The following FOXK2 variants were observed in gnomAD, a reference collection of about 807,000 sequenced individuals.
The protein encoded by FOXK2 is forkhead box protein K2.
Under a neutral mutation model 53.3 loss-of-function variants are expected in FOXK2, and 24 were observed. The observed-to-expected ratio is 0.45, with a 90% CI of 0.33 to 0.63. The LOEUF (loss-of-function observed/expected upper bound fraction) is 0.63, where lower values mean the gene tolerates loss of function less well. Among genes scored for constraint, FOXK2 ranks in the 30% least tolerant of loss-of-function variants. The pLI, the probability that FOXK2 is intolerant of heterozygous loss-of-function variation, is 0.03. For synonymous variants in FOXK2, 505 were observed against 407.1 expected (o/e 1.24, Z -2.89); for missense variants, 952 against 910.5 (o/e 1.05, Z -0.59).
At chr17:82,571,196 G>A (rs933982992) in intron 3 of FOXK2, among the ~76,000 whole-genome samples, 6 of 152,144 alleles carry the variant, frequency 3.9e-5, no homozygotes, top group Admixed American at 1.3e-4. Flanking sequence ...CAGCCTTTAT[G>A]TCTTCATTTT....
At chr17:82,537,869 C>G in intron 1 of FOXK2, among the ~76,000 whole-genome samples, 1 of 148,234 alleles carries the variant, frequency 6.7e-6, no homozygotes, top group East Asian at 2.0e-4. Flanking sequence ...TTATAGTGAG[C>G]TGAGATTGCA....
chr17:82,533,481 C>G lies in FOXK2; in HGVS notation c.419+13174C>G, dbSNP rs534316467. 1.4e-3 allele frequency among the ~76,000 whole-genome samples: 205 copies of G among 144,972 alleles called. 1 individual carries two copies. Among genetic ancestry groups the G allele is most frequent in the African/African-American group, 5.2e-3 (201 of 38,974 alleles). On this transcript the variant is annotated intron_variant, in intron 1 of 8. Transcript: ENST00000335255. ...CTCCAGCCTGGGTGATGGAGTGAGA[C>G]TTTGTCTCAAAAAAAAAAAGTATAG... is the stretch of plus-strand genomic sequence containing the variant.
chr17:82,586,717 C>G (rs945949236), intron 7 of FOXK2, among the ~76,000 whole-genome samples: 20 of 152,070 alleles, frequency 1.3e-4, no homozygotes, highest in Admixed American at 4.6e-4. Flanking sequence ...GCCTGACCAA[C>G]ACGGAGAAAC....
intron 1 of FOXK2, among the ~76,000 whole-genome samples, chr17:82,550,909 A>C (rs1396964759): frequency 6.6e-6 from 1 of 152,200 alleles, no homozygotes; most frequent in African/African-American, 2.4e-5. Context: ...AGTCACTGTG[A>C]AGCACTGCGT....
intron 1 of FOXK2, among the ~76,000 whole-genome samples, chr17:82,562,890 C>T (rs978251779): frequency 4.6e-5 from 7 of 151,714 alleles, no homozygotes; most frequent in African/African-American, 9.7e-5. Context: ...ACTGCAGCCT[C>T]GACCTTCTGG....
rs1164069640 is a variant in FOXK2 at position 82,558,319 on chromosome 17, C to T, written c.420-5035C>T. 2.0e-5 allele frequency among the ~76,000 whole-genome samples: 3 copies of T among 152,180 alleles called. No individual in the cohort carries two copies. In the South Asian group the frequency reaches 6.2e-4, roughly 32 times the overall value. ...CGTTGCTGCACTCCAACCTGGGCTA[C>T]GGAGCGAGACCCTGCCTGAAAACGA... On this transcript the variant is annotated intron_variant, in intron 1 of 8. Coordinates refer to ENST00000335255, the MANE Select transcript of FOXK2 (RefSeq NM_004514.4).
intron 1 of FOXK2, among the ~76,000 whole-genome samples, chr17:82,525,108 T>C (rs929051505): frequency 6.6e-6 from 1 of 151,792 alleles, no homozygotes; most frequent in Non-Finnish European, 1.5e-5. Flanking sequence ...CCCGAGTAGC[T>C]GGGATTACAG....
At chr17:82,597,488 G>A (rs962051770) in intron 8 of FOXK2, among the ~76,000 whole-genome samples, 6 of 152,094 alleles carry the variant, frequency 3.9e-5, no homozygotes, top group African/African-American at 7.2e-5. Context: ...ACCTCCCTCC[G>A]AGCCTCTGCT....
chr17:82,577,573 C>T (rs554599014), intron 4 of FOXK2, among the ~76,000 whole-genome samples: 4 of 152,028 alleles, frequency 2.6e-5, no homozygotes, highest in African/African-American at 7.2e-5. Context: ...CTGTGCATAC[C>T]GCCGACACTG....
chr17:82,564,734 G>GTTTTTTTTTTTTTTTTTTTTT (rs11452758), intron 2 of FOXK2, among the ~76,000 whole-genome samples: 1 of 138,048 alleles, frequency 7.2e-6, no homozygotes, highest in African/African-American at 2.7e-5. Flanking sequence ...TAGTCAAATG[G>GTTTTTTTTTTTTTTTTTTTTT]TTTTTTTTTT....
intron 1 of FOXK2, among the ~76,000 whole-genome samples, chr17:82,521,669 CG>C (rs2086674344): frequency 6.7e-6 from 1 of 150,190 alleles, no homozygotes; most frequent in Non-Finnish European, 1.5e-5. Flanking sequence ...CGGTGGCTCA[CG>C]CCTGTAATCC....
At chr17:82,592,484 G>A (rs1043563849) in intron 8 of FOXK2, among the ~76,000 whole-genome samples, 1 of 152,310 alleles carries the variant, frequency 6.6e-6, no homozygotes, top group East Asian at 1.9e-4. Context: ...GGCCCTTCAC[G>A]GGGCCACTCC....
Position 82,555,885 on chromosome 17 carries a change from C to CAA in FOXK2, c.420-7439_420-7438dup, listed in dbSNP as rs71168116. ...CCTGGGCGAAAGCAAGACTCTATCA[C>CAA]AAAAAAAAAAAAAAAAAAAAAAAAA... On this transcript the variant is annotated intron_variant, in intron 1 of 8. Coordinates refer to ENST00000335255, the MANE Select transcript of FOXK2 (RefSeq NM_004514.4). Among the ~76,000 whole-genome samples, 540 of 74,148 alleles carry CAA rather than the reference C, an allele frequency of 7.3e-3. 30 individuals carry two copies. The highest frequency in any genetic ancestry group is 9.7e-3 in the Non-Finnish European group (385 of 39,678). The allele number at this position is 74,148 out of a possible 152,430, so 48.6% of individuals were successfully genotyped here.
chr17:82,529,920 T>C (rs887775123), intron 1 of FOXK2, among the ~76,000 whole-genome samples: 2 of 152,222 alleles, frequency 1.3e-5, no homozygotes, highest in African/African-American at 4.8e-5. Flanking sequence ...GATACAGATA[T>C]TCTGAGAACT....
intron 1 of FOXK2, among the ~76,000 whole-genome samples, chr17:82,548,316 G>C (rs2044646152): frequency 6.6e-6 from 1 of 152,062 alleles, no homozygotes; most frequent in Non-Finnish European, 1.5e-5. Flanking sequence ...TCTTATATTA[G>C]CCATTATCTG....
chr17:82,550,726 C>T (rs996408293), intron 1 of FOXK2, among the ~76,000 whole-genome samples: 2 of 151,872 alleles, frequency 1.3e-5, no homozygotes, highest in African/African-American at 2.4e-5. Context: ...AGGATGGTCT[C>T]GATCTTCTGA....
intron 1 of FOXK2, among the ~76,000 whole-genome samples, chr17:82,556,314 G>A (rs916316151): frequency 6.6e-6 from 1 of 152,004 alleles, no homozygotes; most frequent in Non-Finnish European, 1.5e-5. Flanking sequence ...CATGGTGGCG[G>A]GCGCCTGTAA....
At chr17:82,575,631 G>A (rs1261298540) in intron 4 of FOXK2, among the ~76,000 whole-genome samples, 1 of 152,240 alleles carries the variant, frequency 6.6e-6, no homozygotes, top group Non-Finnish European at 1.5e-5. Context: ...CACAAGGACT[G>A]CAAATGTTAA....
intron 1 of FOXK2, among the ~76,000 whole-genome samples, chr17:82,553,252 C>T (rs9893826): frequency 0.44 from 67,254 of 152,114 alleles, 15,047 homozygotes; most frequent in South Asian, 0.55. Context: ...GTTTTTTAAA[C>T]AGGCAGAAAG....
Sources: allele counts gnomAD v4.1 joint callset (sites outside exome capture counted in the v4.1 genomes callset), GRCh38; gene constraint gnomAD v4.1.1; transcripts MANE v1.5; gene names NCBI Gene and HGNC (gene_info 2026-07-23, HGNC 2026-07-21).